DDX19A: variants seen among roughly 807,000 people sequenced by gnomAD.
DDX19A encodes DEAD-box helicase 19A.
Under a neutral mutation model 60.6 loss-of-function variants are expected in DDX19A, and 12 were observed. That is an observed-to-expected ratio of 0.20 (90% CI 0.13 to 0.32). The LOEUF is 0.32. Ranked by LOEUF, DDX19A falls within the 10% of genes least tolerant of loss-of-function variation. The pLI is 1.00. For missense variants in DDX19A, 337 were observed against 600.6 expected, an observed-to-expected ratio of 0.56 and a Z score of 4.59; for synonymous variants, 206 against 218.2, an observed-to-expected ratio of 0.94 and a Z score of 0.49.
At chr16:70,352,089 A>G (rs1567649278) in intron 2 of DDX19A, among the ~76,000 whole-genome samples, 1 of 152,102 alleles carries the variant, frequency 6.6e-6, no homozygotes, top group Non-Finnish European at 1.5e-5. Context: ...ACACCATCCT[A>G]TCCCATAAGT....
chr16:70,352,073 C>T (rs889258078), intron 2 of DDX19A, among the ~76,000 whole-genome samples: 1 of 152,076 alleles, frequency 6.6e-6, no homozygotes, highest in African/African-American at 2.4e-5. Flanking sequence ...CACAATTCAG[C>T]TCATAACACC....
intron 4 of DDX19A, among the ~76,000 whole-genome samples, chr16:70,359,258 T>C (rs578244299): frequency 1.3e-5 from 2 of 152,342 alleles, no homozygotes; most frequent in East Asian, 3.9e-4. Flanking sequence ...AGTGACTTTG[T>C]TTCCTTGGCA....
At chr16:70,355,950 A>AC in intron 3 of DDX19A, 162 bp from the exon 4 acceptor site, 1 of 876,140 alleles carries the variant, frequency 1.1e-6, no homozygotes, top group Non-Finnish European at 1.7e-6. Context: ...TGACAGCAAG[A>AC]CCCCATCTCT....
At chr16:70,366,530 T>A in intron 8 of DDX19A, 94 bp from the exon 9 acceptor site, 1 of 1,537,356 alleles carries the variant, frequency 6.5e-7, no homozygotes, top group East Asian at 2.3e-5. Context: ...CCCATCAGCC[T>A]TCCTGGGCAT....
At chr16:70,359,331 T>C (rs1197493764) in intron 4 of DDX19A, among the ~76,000 whole-genome samples, 1 of 152,188 alleles carries the variant, frequency 6.6e-6, no homozygotes, top group Non-Finnish European at 1.5e-5. Flanking sequence ...TGAAAGATTA[T>C]GTTTTTAAAT....
intron 4 of DDX19A, among the ~76,000 whole-genome samples, 188 bp downstream of exon 4, chr16:70,356,435 C>G (rs1159374315): frequency 6.6e-6 from 1 of 152,040 alleles, no homozygotes; most frequent in African/African-American, 2.4e-5. Context: ...CAGCTCACTG[C>G]AGCCTCTGCC....
At chr16:70,351,487 A>G (rs1292080813) in intron 2 of DDX19A, among the ~76,000 whole-genome samples, 1 of 151,688 alleles carries the variant, frequency 6.6e-6, no homozygotes, top group Non-Finnish European at 1.5e-5. Context: ...GATTACAGGC[A>G]TGAGTCACTG....
intron 2 of DDX19A, among the ~76,000 whole-genome samples, chr16:70,354,541 A>T (rs900799814): frequency 6.6e-6 from 1 of 152,254 alleles, no homozygotes; most frequent in Non-Finnish European, 1.5e-5. Context: ...CCAATCTGAT[A>T]GGTAAAAAAT....
chr16:70,364,807 A>AAGC (rs1313781464), intron 6 of DDX19A, 162 bp downstream of exon 6: 1 of 676,262 alleles, frequency 1.5e-6, no homozygotes, highest in Non-Finnish European at 2.5e-6. Flanking sequence ...ATGTGCTTGA[A>AAGC]AGCAGCAGCC....
In DDX19A at chr16:70,347,336, G is replaced by C. The variant is rs906682182; in HGVS notation, c.57+288G>C. 5.9e-5 allele frequency: 28 copies of C among 473,986 alleles called. 1 individual carries two copies. The highest frequency in any genetic ancestry group is 1.1e-4 in the Admixed American group (3 of 26,806). The allele number at this position is 473,986 out of a possible 1,614,324, so 29.4% of individuals were successfully genotyped here. A position where few individuals can be genotyped will look rare whatever the true frequency, so the allele number is the denominator to read the frequency against. On this transcript the variant is annotated intron_variant, in intron 1 of 11. Coordinates refer to ENST00000302243, the MANE Select transcript of DDX19A (RefSeq NM_018332.5). ...CGGTGACGATTATAAGGAAAGCCAA[G>C]TTTAGATTCTGATTCTCTTTTTCAT...
chr16:70,346,944 C>A lies in DDX19A; in HGVS notation c.-48C>A. On this transcript the variant is annotated 5_prime_UTR_variant, in exon 1 of 12. Coordinates refer to ENST00000302243, the MANE Select transcript of DDX19A (RefSeq NM_018332.5). ...GGCGAGGTTAGGGCCCGCGTTGCGA[C>A]GTGGTGCAGCGCATATTTTCACAAG... is the stretch of plus-strand genomic sequence containing the variant. 6.3e-7 allele frequency: 1 copy of A among 1,579,074 alleles called. No homozygotes were observed. Among genetic ancestry groups the A allele is most frequent in the South Asian group, 1.1e-5 (1 of 87,860 alleles).
At chr16:70,367,673 T>G (rs1356006538) in intron 9 of DDX19A, among the ~76,000 whole-genome samples, 5 of 150,610 alleles carry the variant, frequency 3.3e-5, no homozygotes, top group Non-Finnish European at 7.4e-5. Context: ...AGGTCGGGAG[T>G]TGGAGACCAG....
chr16:70,350,848 A>T (rs1000540952), intron 2 of DDX19A, among the ~76,000 whole-genome samples: 36 of 144,078 alleles, frequency 2.5e-4, no homozygotes, highest in Non-Finnish European at 3.9e-4. Context: ...ATTTTGGCAA[A>T]TTATTTATTT....
intron 9 of DDX19A, 36 bp downstream of exon 9, chr16:70,366,897 C>T: frequency 6.2e-7 from 1 of 1,612,318 alleles, no homozygotes; most frequent in East Asian, 2.2e-5. Flanking sequence ...CTGGCCCCTC[C>T]CTCTCAGCCA....
At chr16:70,371,809 G>T in intron 11 of DDX19A, 116 bp from the exon 12 acceptor site, 3 of 1,462,948 alleles carry the variant, frequency 2.1e-6, no homozygotes, top group Middle Eastern at 1.8e-4. Context: ...GTGACTAGGG[G>T]CCCTGCTGCC....
chr16:70,368,275 C>CT lies in DDX19A; in HGVS notation c.1020+1425dup, dbSNP rs561634475. ...TATCTCCACTTGTGCCAAAAGTATT[C>CT]TTTTTTTTTTTGAGACCGAGTCTAT... is the stretch of plus-strand genomic sequence containing the variant. On this transcript the variant is annotated intron_variant, in intron 9 of 11. Transcript: ENST00000302243. Among the ~76,000 whole-genome samples, 255 of 147,676 alleles carry CT rather than the reference C, an allele frequency of 1.7e-3. 3 individuals are homozygous for CT. The South Asian group carries it at 0.031, about 18-fold the overall frequency.
At chr16:70,364,385 T>TAA (rs1362170180) in intron 5 of DDX19A, 158 bp from the exon 6 acceptor site, 2 of 602,790 alleles carry the variant, frequency 3.3e-6, no homozygotes, top group Non-Finnish European at 6.0e-6. Context: ...TAACAGCGTA[T>TAA]AAAAAAATGT....
intron 9 of DDX19A, among the ~76,000 whole-genome samples, chr16:70,369,877 C>G (rs574177148): frequency 6.6e-6 from 1 of 152,238 alleles, no homozygotes; most frequent in African/African-American, 2.4e-5. Context: ...TCCCAAAGTG[C>G]TAGGAGTACA....
chr16:70,364,463 C>A, intron 5 of DDX19A, 80 bp from the exon 6 acceptor site: 1 of 1,076,696 alleles, frequency 9.3e-7, no homozygotes, highest in Non-Finnish European at 1.4e-6. Context: ...GGGAAATATG[C>A]CTTTCATTCA....
Sources: gnomAD v4.1 joint callset for allele counts (sites outside exome capture counted in the v4.1 genomes callset) on GRCh38, gnomAD v4.1.1 for gene constraint, MANE v1.5 for transcripts, NCBI Gene and HGNC (gene_info 2026-07-23, HGNC 2026-07-21) for gene names.